SHTN1: variants seen among roughly 807,000 people sequenced by gnomAD.
The protein encoded by SHTN1 is shootin 1, also known as shootin-1.
SHTN1 carries 42 observed loss-of-function variants against 83.1 expected under a neutral mutation model. The observed-to-expected ratio is 0.51, with a 90% CI of 0.39 to 0.65. The LOEUF (loss-of-function observed/expected upper bound fraction) is 0.65. Ranked by LOEUF, SHTN1 falls within the 30% of genes least tolerant of loss-of-function variation. SHTN1 has a pLI of 0.00. For synonymous variants in SHTN1, 224 were observed against 247.7 expected (o/e 0.90, Z 0.90); for missense variants, 622 against 737.8 (o/e 0.84, Z 1.82).
At chr10:116,922,528 C>T (rs974570054) in intron 11 of SHTN1, among the ~76,000 whole-genome samples, 4 of 152,144 alleles carry the variant, frequency 2.6e-5, no homozygotes, top group Non-Finnish European at 2.9e-5. Context: ...GAAGAATTTC[C>T]GTAATTCCCC....
intron 1 of SHTN1, among the ~76,000 whole-genome samples, chr10:117,089,984 T>TA (rs1219514682): frequency 1.3e-5 from 2 of 152,254 alleles, no homozygotes; most frequent in South Asian, 2.1e-4. Context: ...GGCGAGAATG[T>TA]AAAATAGTGC....
intron 2 of SHTN1, 130 bp from the exon 3 acceptor site, chr10:116,968,842 G>C (rs1291928592): frequency 4.4e-6 from 3 of 686,708 alleles, no homozygotes; most frequent in Non-Finnish European, 7.5e-6. Context: ...CCTTTGAAAA[G>C]CATCAATGGT....
intron 16 of SHTN1, chr10:116,900,576 A>G (rs1355595658): frequency 6.5e-7 from 1 of 1,533,990 alleles, no homozygotes; most frequent in South Asian, 1.2e-5. Flanking sequence ...ATCTATACAC[A>G]CACACTGAAG....
At position 116,944,975 on chromosome 10, in the gene SHTN1, G is replaced by T. The variant is rs779335485; in HGVS notation, c.660C>A (p.Asn220Lys). The change falls in exon 8 of 17, where the codon AAC becomes AAA. Residue 220 changes from asparagine (N) to lysine (K), a missense_variant. By Grantham distance (94) the Asn-to-Lys change is moderately conservative. Around this residue, in one of 3 missense-constraint regions of SHTN1, gnomAD observed 383 missense variants for 455.8 expected, o/e 0.84. Transcript: ENST00000355371. ...AVEEYEEMQVNLELEKDLRKK... is the reference protein window; with the variant it reads ...AVEEYEEMQVKLELEKDLRKK... Reference sequence around the variant, plus strand: ...TTCGAAGGTCCTTCTCCAGCTCCAGGTTTACTTGCATCTCCTCATACTCTT... The same window carrying T: ...TTCGAAGGTCCTTCTCCAGCTCCAGTTTTACTTGCATCTCCTCATACTCTT... 3.1e-6 allele frequency: 5 copies of T among 1,611,958 alleles called. No homozygotes were observed. The highest frequency in any genetic ancestry group is 4.2e-6 in the Non-Finnish European group (5 of 1,178,286).
intron 11 of SHTN1, among the ~76,000 whole-genome samples, chr10:116,926,747 A>T (rs979241966): frequency 4.6e-5 from 7 of 152,302 alleles, no homozygotes; most frequent in African/African-American, 1.7e-4. Context: ...AAGTTTTAAA[A>T]TGCCATTTGT....
At chr10:117,068,741 C>T (rs990136161) in intron 1 of SHTN1, among the ~76,000 whole-genome samples, 2 of 152,038 alleles carry the variant, frequency 1.3e-5, no homozygotes, top group African/African-American at 4.8e-5. Flanking sequence ...AACTTCAAAG[C>T]CCTCATGAAA....
At chr10:116,926,323 T>C (rs1384720208) in intron 11 of SHTN1, among the ~76,000 whole-genome samples, 3 of 152,220 alleles carry the variant, frequency 2.0e-5, no homozygotes, top group African/African-American at 7.2e-5. Flanking sequence ...ACCTTTCTTA[T>C]CAGCTCAAAA....
chr10:117,092,131 T>C (rs1853439301), intron 1 of SHTN1, among the ~76,000 whole-genome samples: 1 of 152,240 alleles, frequency 6.6e-6, no homozygotes, highest in East Asian at 1.9e-4. Flanking sequence ...TGCATAGTAC[T>C]TCCCGTACTT....
At chr10:116,892,816 A>T (rs1208285719) in intron 16 of SHTN1, among the ~76,000 whole-genome samples, 1 of 152,174 alleles carries the variant, frequency 6.6e-6, no homozygotes, top group Admixed American at 6.5e-5. Context: ...CTATTTGAAT[A>T]AAAAAACCTC....
intron 14 of SHTN1, among the ~76,000 whole-genome samples, chr10:116,907,397 T>A (rs1365433745): frequency 3.3e-5 from 5 of 152,170 alleles, no homozygotes; most frequent in African/African-American, 1.2e-4. Context: ...ACAGTTAATG[T>A]ATTATTCAGG....
chr10:117,093,390 A>G (rs893581473), intron 1 of SHTN1, among the ~76,000 whole-genome samples: 8 of 145,526 alleles, frequency 5.5e-5, no homozygotes, highest in Non-Finnish European at 8.9e-5. Flanking sequence ...ACTTGAAATG[A>G]AAAAAAAAGC....
chr10:116,903,573 T>C (rs1847836853), intron 15 of SHTN1, among the ~76,000 whole-genome samples: 1 of 152,166 alleles, frequency 6.6e-6, no homozygotes, highest in African/African-American at 2.4e-5. Context: ...AAGCCTCATG[T>C]TGCATGGAGC....
At position 116,884,190 on chromosome 10, in the gene SHTN1, A is replaced by C. The variant is rs768779618; in HGVS notation, c.*2154T>G. On this transcript the variant is annotated 3_prime_UTR_variant, in exon 17 of 17. Coordinates refer to ENST00000355371, the MANE Select transcript of SHTN1 (RefSeq NM_001127211.3). ...AAGTTTTGTGTGTGCAATAGCTATG[A>C]ACATACCTTGCAGATATAAGCACGG... 6.6e-6 allele frequency: 3 copies of C among 456,646 alleles called. No homozygotes were observed. The highest frequency in any genetic ancestry group is 2.0e-5 in the African/African-American group (1 of 50,084). 28.3% of individuals were successfully genotyped at this position (456,646 alleles called of 1,614,324 possible). A position where few individuals can be genotyped will look rare whatever the true frequency, so the allele number is the denominator to read the frequency against.
chr10:116,976,675 C>T (rs1046007833), intron 2 of SHTN1, among the ~76,000 whole-genome samples: 1 of 152,144 alleles, frequency 6.6e-6, no homozygotes, highest in African/African-American at 2.4e-5. Flanking sequence ...ACTAAAGCTG[C>T]TTTTACTCAT....
intron 1 of SHTN1, among the ~76,000 whole-genome samples, chr10:117,051,081 A>G (rs974511534): frequency 3.3e-5 from 5 of 152,146 alleles, no homozygotes; most frequent in Non-Finnish European, 5.9e-5. Flanking sequence ...GAACATTATT[A>G]TTAAGTTTAC....
At chr10:117,125,120 G>A (rs890736007) in intron 1 of SHTN1, among the ~76,000 whole-genome samples, 4 of 152,120 alleles carry the variant, frequency 2.6e-5, no homozygotes, top group African/African-American at 9.7e-5. Flanking sequence ...GAACCCCTCC[G>A]ATGCTGGCAG....
chr10:117,082,500 A>T (rs1853286208), intron 1 of SHTN1, among the ~76,000 whole-genome samples: 1 of 151,762 alleles, frequency 6.6e-6, no homozygotes, highest in South Asian at 2.1e-4. Context: ...TGCTGAAAAA[A>T]ATGTATACTC....
At chr10:117,031,218 AG>A (rs1323624788) in intron 2 of SHTN1, among the ~76,000 whole-genome samples, 1 of 152,200 alleles carries the variant, frequency 6.6e-6, no homozygotes, top group Non-Finnish European at 1.5e-5. Flanking sequence ...AAATTGCTGA[AG>A]AAAAAAAGTT....
chr10:116,951,521 G>T (rs1355230443), intron 6 of SHTN1, among the ~76,000 whole-genome samples: 1 of 152,174 alleles, frequency 6.6e-6, no homozygotes, highest in African/African-American at 2.4e-5. Context: ...GATGCACAGA[G>T]GGACAGTCCT....
Sources: allele counts gnomAD v4.1 joint callset (sites outside exome capture counted in the v4.1 genomes callset), GRCh38; gene constraint gnomAD v4.1.1; regional missense constraint gnomAD v4.1.1; transcripts MANE v1.5; gene names NCBI Gene and HGNC (gene_info 2026-07-23, HGNC 2026-07-21).